NPEPPS: variants seen among roughly 807,000 people sequenced by gnomAD.
NPEPPS encodes puromycin-sensitive aminopeptidase.
Under a neutral mutation model 115.5 loss-of-function variants are expected in NPEPPS, and 14 were observed. The ratio of observed to expected loss-of-function variants is 0.12; its 90% CI spans 0.08 to 0.19. The LOEUF (loss-of-function observed/expected upper bound fraction) is 0.19, where lower values mean the gene tolerates loss of function less well. Among genes scored for constraint, NPEPPS ranks in the 10% least tolerant of loss-of-function variants. The pLI is 1.00. For missense variants in NPEPPS, 523 were observed against 1,110.8 expected, an observed-to-expected ratio of 0.47 and a Z score of 7.52; for synonymous variants, 285 against 390.6, an observed-to-expected ratio of 0.73 and a Z score of 3.19.
intron 19 of NPEPPS, among the ~76,000 whole-genome samples, chr17:47,614,546 T>C (rs929237377): frequency 1.3e-5 from 2 of 152,190 alleles, no homozygotes; most frequent in Non-Finnish European, 2.9e-5. Context: ...CCCAGAGTAA[T>C]TGGCATATAA....
At chr17:47,551,000 A>C (rs1390846537) in intron 2 of NPEPPS, among the ~76,000 whole-genome samples, 3 of 152,136 alleles carry the variant, frequency 2.0e-5, no homozygotes, top group African/African-American at 7.2e-5. Context: ...ACATCAAGAG[A>C]CTATTTAGCT....
chr17:47,586,978 A>G (rs1321297501), intron 8 of NPEPPS: 19 of 410,822 alleles, frequency 4.6e-5, no homozygotes, highest in Non-Finnish European at 4.5e-6. Flanking sequence ...ATGTTTTCCC[A>G]AAATTTCAGG....
chr17:47,555,537 G>A (rs997491513), intron 2 of NPEPPS, among the ~76,000 whole-genome samples: 6 of 151,342 alleles, frequency 4.0e-5, no homozygotes, highest in African/African-American at 1.2e-4. Flanking sequence ...AGTAGAGATG[G>A]AGTTTATCCA....
rs201653665 is a variant in NPEPPS, at chr17:47,539,153, T to C, written c.256-6756T>C. Reference sequence around the variant, plus strand: ...TTAGCCTCCTGGTTCTAGATACAACTGATACTCTGATACAACCTGGGTAAA... The same window carrying C: ...TTAGCCTCCTGGTTCTAGATACAACCGATACTCTGATACAACCTGGGTAAA... On this transcript the variant is annotated intron_variant, in intron 1 of 22. Coordinates refer to ENST00000322157, the MANE Select transcript of NPEPPS (RefSeq NM_006310.4). Among the ~76,000 whole-genome samples the C allele has an allele frequency of 9.3e-3, 1,327 of 143,334 alleles. 50 individuals are homozygous for C. Among genetic ancestry groups the C allele is most frequent in the Admixed American group, 0.066 (901 of 13,704 alleles). 94.0% of individuals were successfully genotyped at this position (143,334 alleles called of 152,430 possible).
chr17:47,586,188 A>G lies in NPEPPS; in HGVS notation c.890A>G (p.Asn297Ser), dbSNP rs571371035. The G allele has an allele frequency of 2.1e-4, 255 of 1,204,954 alleles. No individual in the cohort carries two copies. The highest frequency in any genetic ancestry group is 2.5e-4 in the Non-Finnish European group (227 of 912,766). The allele number at this position is 1,204,954 out of a possible 1,614,324, so 74.6% of individuals were successfully genotyped here. The change falls in exon 7 of 23, where the codon AAT (asparagine) becomes AGT (serine). Residue 297 changes from asparagine (N) to serine (S), a missense_variant. Asn to Ser is a conservative substitution (Grantham distance 46). Coordinates refer to ENST00000322157, the MANE Select transcript of NPEPPS (RefSeq NM_006310.4). ...TTGCCTTTTTATAAGGACTACTTCA[A>G]TGTTCCTTATCCTCTACCTAAAATT... ...KTLPFYKDYF[N>S]VPYPLPKIDL...
At chr17:47,617,911 G>C (rs778897246) in intron 19 of NPEPPS, among the ~76,000 whole-genome samples, 4 of 151,794 alleles carry the variant, frequency 2.6e-5, no homozygotes, top group African/African-American at 7.3e-5. Flanking sequence ...ACAGAGTCTC[G>C]CTCTCTTGCC....
At chr17:47,602,637 CAAA>C (rs753076891) in intron 15 of NPEPPS, among the ~76,000 whole-genome samples, 3 of 51,964 alleles carry the variant, frequency 5.8e-5, no homozygotes, top group Non-Finnish European at 1.2e-4. Context: ...GACGCCATCT[CAAA>C]AAAAAAAAAA....
intron 17 of NPEPPS, among the ~76,000 whole-genome samples, chr17:47,606,035 G>A (rs1047973048): frequency 6.6e-6 from 1 of 152,000 alleles, no homozygotes; most frequent in South Asian, 2.1e-4. Context: ...GTGCCACCAC[G>A]CCTGGTTACT....
rs1302529596 is a variant in NPEPPS at position 47,605,678 on chromosome 17, T to A, written c.2095+126T>A. 6.0e-6 allele frequency: 4 copies of A among 664,528 alleles called. No individual in the cohort carries two copies. In the East Asian group the frequency reaches 1.1e-4, roughly 18 times the overall value. 41.2% of individuals were successfully genotyped at this position (664,528 alleles called of 1,614,324 possible). On this transcript the variant is annotated intron_variant, in intron 17 of 22. Transcript: ENST00000322157. ...ACTATATATTCAGCAAGCCAGAAAT[T>A]AAGACGTGAGTCTTTTAAGTCTGCT...
intron 18 of NPEPPS, among the ~76,000 whole-genome samples, 186 bp from the exon 19 acceptor site, chr17:47,613,483 C>T (rs1450969249): frequency 2.0e-5 from 3 of 151,476 alleles, no homozygotes; most frequent in Non-Finnish European, 2.9e-5. Flanking sequence ...ACCAGGCTGG[C>T]CTGGAACTGC....
intron 2 of NPEPPS, among the ~76,000 whole-genome samples, chr17:47,558,235 T>C (rs113732258): frequency 6.6e-6 from 1 of 151,270 alleles, no homozygotes; most frequent in Non-Finnish European, 1.5e-5. Context: ...TCAAGCAGTT[T>C]TCCTGCCTCA....
rs753598374 is a variant in NPEPPS at position 47,621,802 on chromosome 17, A to G, written c.2642A>G (p.Glu881Gly). 2 of 1,612,976 alleles carry G rather than the reference A, an allele frequency of 1.2e-6. No homozygotes were observed. The highest frequency in any genetic ancestry group is 2.2e-5 in the East Asian group (1 of 44,890). The change falls in exon 23 of 23, where the codon GAG becomes GGG. Residue 881 changes from glutamate to glycine, a missense_variant. Around this residue, in one of 4 missense-constraint regions of NPEPPS, gnomAD observed 372 missense variants for 542.6 expected, o/e 0.69. Coordinates refer to ENST00000322157, the MANE Select transcript of NPEPPS (RefSeq NM_006310.4). ...GAGAGTCACCCAGCTCCTTCAGCTG[A>G]GCGTACCATCCAGCAGTGTTGTGAA... Reference protein sequence around the residue: ...FFESHPAPSAERTIQQCCENI... With the variant: ...FFESHPAPSAGRTIQQCCENI...
At chr17:47,533,785 GAAAT>G (rs1166021983) in intron 1 of NPEPPS, among the ~76,000 whole-genome samples, 2 of 151,726 alleles carry the variant, frequency 1.3e-5, no homozygotes, top group Non-Finnish European at 2.9e-5. Flanking sequence ...TTGATGCAAG[GAAAT>G]AAATAAAAAA....
intron 10 of NPEPPS, 126 bp downstream of exon 10, chr17:47,591,007 A>G: frequency 7.3e-6 from 10 of 1,361,498 alleles, no homozygotes; most frequent in Non-Finnish European, 9.9e-6. Context: ...TTACTGGTTC[A>G]TATTTCTAGT....
chr17:47,531,639 G>T (rs1450677159), intron 1 of NPEPPS, 84 bp downstream of exon 1: 1 of 1,414,488 alleles, frequency 7.1e-7, no homozygotes, highest in Non-Finnish European at 9.2e-7. Context: ...GCCCGGCCGG[G>T]AGGGCGGGCG....
chr17:47,524,017 G>T (rs1366280779), intron 1 of NPEPPS, among the ~76,000 whole-genome samples: 1 of 150,986 alleles, frequency 6.6e-6, no homozygotes, highest in Non-Finnish European at 1.5e-5. Context: ...TTAAGAGACA[G>T]GATTTCGGCC....
intron 2 of NPEPPS, among the ~76,000 whole-genome samples, chr17:47,550,244 C>G (rs1324358812): frequency 6.6e-6 from 1 of 150,690 alleles, no homozygotes; most frequent in Non-Finnish European, 1.5e-5. Flanking sequence ...ATTGTTACTT[C>G]TTTGTGTAAG....
upstream of NPEPPS, among the ~76,000 whole-genome samples, chr17:47,529,362 C>T (rs547058338): frequency 2.0e-5 from 3 of 151,158 alleles, no homozygotes; most frequent in South Asian, 6.3e-4. Context: ...CTCAGCCTCC[C>T]GAGTAGCTGG....
intron 19 of NPEPPS, among the ~76,000 whole-genome samples, chr17:47,616,692 AAAAAG>A (rs1477855810): frequency 6.6e-5 from 10 of 151,628 alleles, no homozygotes; most frequent in African/African-American, 2.4e-4. Flanking sequence ...TCAAAAAAAA[AAAAAG>A]AAAAGAAAAA....
Sources: gnomAD v4.1 joint callset for allele counts (sites outside exome capture counted in the v4.1 genomes callset) on GRCh38, gnomAD v4.1.1 for gene constraint, gnomAD v4.1.1 regional missense constraint, MANE v1.5 for transcripts, NCBI Gene and HGNC (gene_info 2026-07-23, HGNC 2026-07-21) for gene names.